The following EIF2AK4 variants were observed in gnomAD, a reference collection of about 807,000 sequenced individuals.
The protein encoded by EIF2AK4 is eIF-2-alpha kinase GCN2.
Under a neutral mutation model 211.1 loss-of-function variants are expected in EIF2AK4, and 139 were observed. The observed-to-expected ratio is 0.66, with a 90% CI of 0.57 to 0.76. EIF2AK4 has a LOEUF of 0.76. Ranked by LOEUF, EIF2AK4 falls within the 30% of genes least tolerant of loss-of-function variation. The pLI, the probability that EIF2AK4 is intolerant of heterozygous loss-of-function variation, is 0.00. For synonymous variants in EIF2AK4, 710 were observed against 751.3 expected, an observed-to-expected ratio of 0.94 and a Z score of 0.90; for missense variants, 1,664 against 2,043.8, an observed-to-expected ratio of 0.81 and a Z score of 3.58.
intron 21 of EIF2AK4, 111 bp downstream of exon 21, chr15:40,001,335 A>G: frequency 9.3e-7 from 1 of 1,078,324 alleles, no homozygotes; most frequent in Non-Finnish European, 1.3e-6. Context: ...TATGTGAGGT[A>G]TTGGAAGCCC....
At chr15:39,990,244 T>C (rs985233677) in intron 15 of EIF2AK4, 29 bp from the exon 16 acceptor site, 9 of 1,602,314 alleles carry the variant, frequency 5.6e-6, no homozygotes, top group Admixed American at 1.7e-5. Flanking sequence ...TGGAAAACCA[T>C]TGTTTGTTTC....
At chr15:39,965,090 A>G (rs1351528921) in intron 7 of EIF2AK4, among the ~76,000 whole-genome samples, 1 of 152,204 alleles carries the variant, frequency 6.6e-6, no homozygotes, top group African/African-American at 2.4e-5. Context: ...TGAAAATAAC[A>G]TTGTGCATAA....
chr15:39,949,882 C>G (rs1408236219), intron 4 of EIF2AK4, among the ~76,000 whole-genome samples: 1 of 151,828 alleles, frequency 6.6e-6, no homozygotes, highest in African/African-American at 2.4e-5. Context: ...TGTTTAAATA[C>G]AAATAGTTAC....
intron 14 of EIF2AK4, among the ~76,000 whole-genome samples, chr15:39,986,713 G>A (rs779517301): frequency 6.6e-6 from 1 of 152,210 alleles, no homozygotes; most frequent in Non-Finnish European, 1.5e-5. Context: ...AAATTAGCCA[G>A]GCATGGTGGT....
intron 1 of EIF2AK4, among the ~76,000 whole-genome samples, chr15:39,937,310 T>G (rs546315409): frequency 1.3e-5 from 2 of 152,182 alleles, no homozygotes; most frequent in Admixed American, 1.3e-4. Context: ...GCCACATAAA[T>G]GAAACATATC....
Position 39,973,659 on chromosome 15 carries a change from T to C in EIF2AK4, c.1728T>C (p.Phe576=). 1 of 1,614,188 alleles carries C rather than the reference T, an allele frequency of 6.2e-7. No homozygotes were observed. Among genetic ancestry groups the C allele is most frequent in the Non-Finnish European group, 8.5e-7 (1 of 1,180,010 alleles). The change falls in exon 11 of 39, where the codon TTT becomes TTC. Residue 576 remains phenylalanine, a synonymous_variant. Transcript: ENST00000263791. ...ACCGGCTACCCAGTGCTGCCTTCTT[T>C]AGTGAGACACAGAGACAGTTTTCCC... ...PSNRLPSAAF[F]SETQRQFSRY...
rs1412895052 is a variant in EIF2AK4 at position 39,934,138 on chromosome 15, C to G, written c.-58C>G. The stretch of plus-strand genomic sequence containing the variant: ...CCAGCGCGGAGCCCCGCCCCGCAGG[C>G]TGCCGGGGGCCCACCGCCGCCCAGG... On this transcript the variant is annotated 5_prime_UTR_variant, in exon 1 of 39. Transcript: ENST00000263791. 1 of 1,235,878 alleles carries G rather than the reference C, an allele frequency of 8.1e-7. No individual in the cohort carries two copies. Among genetic ancestry groups the G allele is most frequent in the Non-Finnish European group, 1.0e-6 (1 of 993,366 alleles). 76.6% of individuals were successfully genotyped at this position (1,235,878 alleles called of 1,614,324 possible).
chr15:40,011,490 A>G, intron 27 of EIF2AK4, 144 bp downstream of exon 27: 1 of 624,022 alleles, frequency 1.6e-6, no homozygotes, highest in Non-Finnish European at 2.8e-6. Flanking sequence ...AGTGTTAGGT[A>G]CCATGGCAAC....
Position 40,016,561 on chromosome 15 carries a change from A to G in EIF2AK4, c.3819A>G (p.Thr1273=). 3.7e-6 allele frequency: 6 copies of G among 1,614,224 alleles called. No homozygotes were observed. The highest frequency in any genetic ancestry group is 5.1e-6 in the Non-Finnish European group (6 of 1,180,040). The part of the protein sequence containing the change: ...QKGDLQDLMP[T]INSLIKQKTG... ...GAGATTTGCAAGATCTTATGCCAAC[A>G]ATAAATTCATTAATAAAACAGAAAA... Residue 1273 remains threonine (T), a synonymous_variant, in exon 28 of 39, where the codon ACA becomes ACG. Coordinates refer to ENST00000263791, the MANE Select transcript of EIF2AK4 (RefSeq NM_001013703.4).
At chr15:39,973,092 G>A (rs2034647336) in intron 10 of EIF2AK4, 78 bp downstream of exon 10, 2 of 1,160,682 alleles carry the variant, frequency 1.7e-6, no homozygotes, top group East Asian at 2.4e-5. Flanking sequence ...ACCAAAAACT[G>A]GAAGGGGCTG....
intron 4 of EIF2AK4, among the ~76,000 whole-genome samples, chr15:39,952,625 C>T (rs1384258086): frequency 1.3e-5 from 2 of 152,000 alleles, no homozygotes; most frequent in Non-Finnish European, 2.9e-5. Flanking sequence ...TAATTTTCTT[C>T]CTACAGATAT....
chr15:40,001,236 C>G lies in EIF2AK4; in HGVS notation c.3159+12C>G, dbSNP rs2307103. On this transcript the variant is annotated intron_variant, in intron 21 of 38. Transcript: ENST00000263791. ...GCGACATACTGAAGGTGGGCTTAAG[C>G]CACGCTGCACAAAGGGAGCTTCACC... 1 of 1,611,226 alleles carries G rather than the reference C, an allele frequency of 6.2e-7. No individual in the cohort carries two copies. The highest frequency in any genetic ancestry group is 8.5e-7 in the Non-Finnish European group (1 of 1,179,054).
At chr15:39,944,388 AAATCACTC>A (rs1455481591) in intron 3 of EIF2AK4, among the ~76,000 whole-genome samples, 1 of 151,422 alleles carries the variant, frequency 6.6e-6, no homozygotes, top group Non-Finnish European at 1.5e-5. Flanking sequence ...CTTTTGTGTA[AAATCACTC>A]AGTGTTTTTG....
chr15:39,996,547 A>G (rs981099017), intron 18 of EIF2AK4, among the ~76,000 whole-genome samples: 3 of 152,172 alleles, frequency 2.0e-5, no homozygotes, highest in Admixed American at 1.3e-4. Context: ...TGTACAAAAA[A>G]TACACACAAA....
chr15:39,988,323 T>C (rs2034895065), intron 15 of EIF2AK4, among the ~76,000 whole-genome samples: 1 of 152,192 alleles, frequency 6.6e-6, no homozygotes, highest in Admixed American at 6.5e-5. Context: ...AAGAAAACTT[T>C]AAAGGTTAGG....
intron 5 of EIF2AK4, among the ~76,000 whole-genome samples, chr15:39,954,294 C>A (rs1285353489): frequency 1.3e-5 from 2 of 152,162 alleles, no homozygotes; most frequent in Non-Finnish European, 2.9e-5. Flanking sequence ...ATTCTGTCGC[C>A]CAGGCTGGAG....
intron 32 of EIF2AK4, among the ~76,000 whole-genome samples, chr15:40,025,169 G>A (rs1401562076): frequency 6.6e-6 from 1 of 152,190 alleles, no homozygotes; most frequent in African/African-American, 2.4e-5. Flanking sequence ...GGCCAGCAGA[G>A]AACCATTCTG....
At chr15:39,947,752 C>G (rs773150382) in intron 3 of EIF2AK4, among the ~76,000 whole-genome samples, 2 of 152,230 alleles carry the variant, frequency 1.3e-5, no homozygotes, top group Non-Finnish European at 2.9e-5. Flanking sequence ...GCCTCCAAGA[C>G]TTAAGCAGAG....
intron 27 of EIF2AK4, 28 bp from the exon 28 acceptor site, chr15:40,016,474 C>T (rs2035304085): frequency 1.2e-6 from 2 of 1,613,440 alleles, no homozygotes; most frequent in Non-Finnish European, 1.7e-6. Flanking sequence ...TGTGGATGGG[C>T]AGCTGACTGT....
Sources: allele counts gnomAD v4.1 joint callset (sites outside exome capture counted in the v4.1 genomes callset), GRCh38; gene constraint gnomAD v4.1.1; transcripts MANE v1.5; gene names NCBI Gene and HGNC (gene_info 2026-07-23, HGNC 2026-07-21).